KCNQ1: variants seen among roughly 807,000 people sequenced by gnomAD.
KCNQ1 encodes potassium voltage-gated channel subfamily Q member 1, also known as potassium voltage-gated channel subfamily KQT member 1.
Under a neutral mutation model 72.4 loss-of-function variants are expected in KCNQ1, and 49 were observed. The observed-to-expected ratio is 0.68, with a 90% confidence interval of 0.54 to 0.86. The LOEUF (loss-of-function observed/expected upper bound fraction) is 0.86, where lower values mean the gene tolerates loss of function less well. Ranked by LOEUF, KCNQ1 falls within the 40% of genes least tolerant of loss-of-function variation. The pLI is 0.00. For synonymous variants in KCNQ1, 450 were observed against 412.6 expected, an observed-to-expected ratio of 1.09 and a Z score of -1.10; for missense variants, 790 against 945.1, an observed-to-expected ratio of 0.84 and a Z score of 2.15.
chr11:2,836,095 C>T (rs1324560653), intron 15 of KCNQ1, among the ~76,000 whole-genome samples: 5 of 152,110 alleles, frequency 3.3e-5, no homozygotes, highest in African/African-American at 1.2e-4. Context: ...GGGTCAGGAC[C>T]TTTAGCAGAA....
At chr11:2,619,355 A>G in intron 10 of KCNQ1, 1 of 398,492 alleles carries the variant, frequency 2.5e-6, no homozygotes. Context: ...TTCCTTCTAT[A>G]CCTGAACTGT....
chr11:2,699,445 ACTGAGGAGCCGCCGGGAGAGTGCCGCG>A lies in KCNQ1; in HGVS notation c.1514+37375_1514+37401del, dbSNP rs1374460624. 165 of 402,264 alleles carry A rather than the reference ACTGAGGAGCCGCCGGGAGAGTGCCGCG, an allele frequency of 4.1e-4. 1 individual carries two copies. Among genetic ancestry groups the A allele is most frequent in the Non-Finnish European group, 6.5e-4 (150 of 230,876 alleles). The allele number at this position is 402,264 out of a possible 1,614,324, so 24.9% of individuals were successfully genotyped here. ...GCTGAGGAGAGTCTGGGAGAACCGC[ACTGAGGAGCCGCCGGGAGAGTGCCGCG>A]CTGAGGAGCCCCCGGGGAGAGTGCC... On this transcript the variant is annotated intron_variant, in intron 11 of 15. Coordinates refer to ENST00000155840, the MANE Select transcript of KCNQ1 (RefSeq NM_000218.3).
At chr11:2,637,881 A>G (rs926633120) in intron 10 of KCNQ1, 3 of 152,228 alleles carry the variant, frequency 2.0e-5, no homozygotes, top group African/African-American at 4.8e-5. Context: ...TTGGGTGCAT[A>G]TATATTTAAG....
intron 10 of KCNQ1, chr11:2,614,268 G>C (rs1849025314): frequency 2.5e-6 from 1 of 398,538 alleles, no homozygotes; most frequent in Non-Finnish European, 4.4e-6. Flanking sequence ...TCTGACATGT[G>C]TTCTCCATGT....
chr11:2,769,622 G>T lies in KCNQ1; in HGVS notation c.1590+703G>T, dbSNP rs1048243620. Among the ~76,000 whole-genome samples, 1 of 152,186 alleles carries T rather than the reference G, an allele frequency of 6.6e-6. No homozygotes were observed. The highest frequency in any genetic ancestry group is 6.5e-5 in the Admixed American group (1 of 15,284). ...ACATTCCTCGGATGAAGGCGGTGGT[G>T]GGGGGTACTGAGTCCTGGCTTGGAA... On this transcript the variant is annotated intron_variant, in intron 12 of 15. Coordinates refer to ENST00000155840, the MANE Select transcript of KCNQ1 (RefSeq NM_000218.3). The surrounding 1 kb of genome is among the most constrained non-coding windows in gnomAD (Gnocchi z 4.6).
intron 10 of KCNQ1, chr11:2,628,441 A>G (rs1367997258): frequency 5.0e-6 from 2 of 398,386 alleles, no homozygotes; most frequent in African/African-American, 4.1e-5. Flanking sequence ...TCTTCTTTGA[A>G]TAAATGTCTA....
In KCNQ1 at chr11:2,549,821, GC is replaced by G. The variant is rs528041604; in HGVS notation, c.478-20804del. 3.6e-4 allele frequency among the ~76,000 whole-genome samples: 55 copies of G among 152,212 alleles called. 1 individual carries two copies. In the East Asian group the frequency reaches 0.01, roughly 29 times the overall value. ...CTATGCGCCTCCTTCCCCATGACTG[GC>G]CCTGGGTGGCGGAGAGACCCCTGGG... is the stretch of plus-strand genomic sequence containing the variant. On this transcript the variant is annotated intron_variant, in intron 2 of 15. Coordinates refer to ENST00000155840, the MANE Select transcript of KCNQ1 (RefSeq NM_000218.3). The surrounding 1 kb of genome is among the most constrained non-coding windows in gnomAD (Gnocchi z 6.2).
At chr11:2,531,319 T>C (rs1174054619) in intron 2 of KCNQ1, among the ~76,000 whole-genome samples, 1 of 150,328 alleles carries the variant, frequency 6.7e-6, no homozygotes, top group Non-Finnish European at 1.5e-5. Flanking sequence ...CTGGGCTTCA[T>C]GTGCCCGTCT....
At chr11:2,629,282 T>C (rs2133813986) in intron 10 of KCNQ1, 1 of 398,388 alleles carries the variant, frequency 2.5e-6, no homozygotes, top group East Asian at 3.6e-5. Flanking sequence ...TGTTTCATAG[T>C]TTTCAGTGTC....
Position 2,668,135 on chromosome 11 carries a change from G to A in KCNQ1, c.1514+6054G>A, listed in dbSNP as rs145946541. On this transcript the variant is annotated intron_variant, in intron 11 of 15. Transcript: ENST00000155840. The surrounding 1 kb of genome is among the most constrained non-coding windows in gnomAD (Gnocchi z 4.3). ...ATTTGATGTCTGGCAGCCTCTCTAT[G>A]GGGCTGAAGGGAGAGTGCTCCCTCA... is the stretch of plus-strand genomic sequence containing the variant. 8.3e-5 allele frequency: 33 copies of A among 398,616 alleles called. No individual in the cohort carries two copies. The highest frequency in any genetic ancestry group is 7.6e-4 in the South Asian group (6 of 7,856). 24.7% of individuals were successfully genotyped at this position (398,616 alleles called of 1,614,324 possible). A position where few individuals can be genotyped will look rare whatever the true frequency, so the allele number is the denominator to read the frequency against.
rs113753362 is a variant in KCNQ1, at chr11:2,470,704, T to TGG, written c.386+25230_386+25231dup. Among the ~76,000 whole-genome samples the TGG allele has an allele frequency of 5.6e-3, 498 of 89,396 alleles. 5 individuals are homozygous for TGG. Among genetic ancestry groups the TGG allele is most frequent in the East Asian group, 0.016 (45 of 2,738 alleles). 58.6% of individuals were successfully genotyped at this position (89,396 alleles called of 152,430 possible). On this transcript the variant is annotated intron_variant, in intron 1 of 15. Coordinates refer to ENST00000155840, the MANE Select transcript of KCNQ1 (RefSeq NM_000218.3). ...CCAAGTGGGGATCCACTCAGTTAGG[T>TGG]GGGGGGGGGGGTGCTTAGAATTTTA...
At chr11:2,810,038 A>C (rs914448549) in intron 15 of KCNQ1, among the ~76,000 whole-genome samples, 16 of 152,186 alleles carry the variant, frequency 1.1e-4, no homozygotes, top group Admixed American at 6.5e-5. Context: ...TGCCCTATTG[A>C]TAGTTTAAGT....
intron 1 of KCNQ1, among the ~76,000 whole-genome samples, chr11:2,518,999 C>T (rs1016497461): frequency 6.6e-6 from 1 of 152,110 alleles, no homozygotes; most frequent in Non-Finnish European, 1.5e-5. Context: ...TGGTTTGTGC[C>T]CTGTTGTGGC....
chr11:2,485,549 AC>A (rs1846728355), intron 1 of KCNQ1, among the ~76,000 whole-genome samples: 1 of 152,166 alleles, frequency 6.6e-6, no homozygotes, highest in Non-Finnish European at 1.5e-5. Context: ...TGCAAAATTT[AC>A]CATTTTAACT....
chr11:2,820,536 C>T (rs893364015), intron 15 of KCNQ1, among the ~76,000 whole-genome samples: 13 of 152,016 alleles, frequency 8.6e-5, no homozygotes, highest in East Asian at 1.9e-4. Context: ...TGGAGTTCTG[C>T]GACTCCTCCA....
Position 2,661,827 on chromosome 11 carries a change from C to A in KCNQ1, c.1394-134C>A. The A allele has an allele frequency of 7.1e-5, 72 of 1,016,032 alleles. No individual in the cohort carries two copies. Among genetic ancestry groups the A allele is most frequent in the Non-Finnish European group, 1.0e-4 (68 of 656,306 alleles). The allele number at this position is 1,016,032 out of a possible 1,614,324, so 62.9% of individuals were successfully genotyped here. A position where few individuals can be genotyped will look rare whatever the true frequency, so the allele number is the denominator to read the frequency against. ...CCCACCCCAACACCCAACTATAAAA[C>A]TGATTGTCAGGGCTGGAGCTTCCAG... is the stretch of plus-strand genomic sequence containing the variant. On this transcript the variant is annotated intron_variant, in intron 10 of 15. Transcript: ENST00000155840. The surrounding 1 kb of genome is among the most constrained non-coding windows in gnomAD (Gnocchi z 5.9).
intron 11 of KCNQ1, among the ~76,000 whole-genome samples, chr11:2,706,726 T>G (rs1394503591): frequency 6.6e-6 from 1 of 152,198 alleles, no homozygotes; most frequent in Non-Finnish European, 1.5e-5. Context: ...CCAGGTAGCA[T>G]GCCCACCCCA....
intron 15 of KCNQ1, among the ~76,000 whole-genome samples, chr11:2,846,552 A>G (rs1192448244): frequency 6.6e-6 from 1 of 152,032 alleles, no homozygotes; most frequent in East Asian, 1.9e-4. Context: ...CCCAGGTCCA[A>G]CCTCCTAGGG....
At position 2,598,215 on chromosome 11, in the gene KCNQ1, G is replaced by C. The variant is rs377110601; in HGVS notation, c.1393+9361G>C. Among the ~76,000 whole-genome samples the C allele has an allele frequency of 3.3e-5, 5 of 152,094 alleles. No homozygotes were observed. Among genetic ancestry groups the C allele is most frequent in the African/African-American group, 9.7e-5 (4 of 41,440 alleles). On this transcript the variant is annotated intron_variant, in intron 10 of 15. Coordinates refer to ENST00000155840, the MANE Select transcript of KCNQ1 (RefSeq NM_000218.3). This position sits in a 1 kb window ranked among gnomAD's most constrained non-coding sequence, Gnocchi z 6.2. ...CTGATTGCAGCTTTAGCTGTGACAC[G>C]TAGATCTGATTATGAAATATGTTCC...
Sources: gnomAD v4.1 joint callset for allele counts (sites outside exome capture counted in the v4.1 genomes callset) on GRCh38, gnomAD v4.1.1 for gene constraint, Gnocchi (gnomAD v3.1) non-coding constraint, MANE v1.5 for transcripts, NCBI Gene and HGNC (gene_info 2026-07-23, HGNC 2026-07-21) for gene names.